WDR17: variants seen among roughly 807,000 people sequenced by gnomAD.
The protein encoded by WDR17 is WD repeat-containing protein 17.
A neutral mutation model predicts 161.7 loss-of-function variants in WDR17; 143 were observed. That is an observed-to-expected ratio of 0.88 (90% CI 0.77 to 1.02). WDR17 has a LOEUF of 1.02. Ranked by LOEUF, WDR17 falls within the 50% of genes least tolerant of loss-of-function variation. WDR17 has a pLI of 0.00. For synonymous variants in WDR17, 517 were observed against 515.6 expected, an observed-to-expected ratio of 1.00 and a Z score of -0.04; for missense variants, 1,469 against 1,520.9, an observed-to-expected ratio of 0.97 and a Z score of 0.57.
At chr4:176,175,374 C>T (rs1751283688) in intron 26 of WDR17, among the ~76,000 whole-genome samples, 1 of 152,198 alleles carries the variant, frequency 6.6e-6, no homozygotes, top group Non-Finnish European at 1.5e-5. Flanking sequence ...CATTTTATAA[C>T]AACTTGTTTA....
chr4:176,156,212 AT>A, intron 18 of WDR17, 69 bp downstream of exon 18: 1 of 1,434,576 alleles, frequency 7.0e-7, no homozygotes, highest in South Asian at 1.3e-5. Context: ...CAGTATATAA[AT>A]ATGGCAGTAG....
chr4:176,162,000 C>T (rs1315282090), intron 20 of WDR17, 75 bp from the exon 21 acceptor site: 7 of 1,254,630 alleles, frequency 5.6e-6, no homozygotes, highest in East Asian at 2.5e-5. Context: ...TTTATCATAC[C>T]TTTTAAAAAG....
At chr4:176,159,324 GAGAGAGAGAGAA>G (rs1312023348) in intron 18 of WDR17, among the ~76,000 whole-genome samples, 1 of 150,916 alleles carries the variant, frequency 6.6e-6, no homozygotes, top group African/African-American at 2.4e-5. Context: ...GAGAGAGAGA[GAGAGAGAGAGAA>G]AGGGAGAGAG....
chr4:176,111,803 A>G (rs1022535649), intron 2 of WDR17, 100 bp downstream of exon 2: 7 of 1,076,232 alleles, frequency 6.5e-6, no homozygotes, highest in Middle Eastern at 3.4e-4. Flanking sequence ...ACATAATGCT[A>G]TAATTCCATT....
At chr4:176,166,775 A>G (rs953038530) in intron 22 of WDR17, among the ~76,000 whole-genome samples, 1 of 152,188 alleles carries the variant, frequency 6.6e-6, no homozygotes, top group African/African-American at 2.4e-5. Context: ...CATGCATTTT[A>G]GCATGAACAG....
chr4:176,141,797 T>C (rs919897481), intron 10 of WDR17, among the ~76,000 whole-genome samples, 186 bp from the exon 11 acceptor site: 1 of 152,244 alleles, frequency 6.6e-6, no homozygotes, highest in Non-Finnish European at 1.5e-5. Flanking sequence ...ATAATTAATA[T>C]TAAGAGTTGC....
intron 8 of WDR17, 110 bp downstream of exon 8, chr4:176,135,386 T>C: frequency 8.1e-7 from 1 of 1,233,824 alleles, no homozygotes; most frequent in Non-Finnish European, 1.2e-6. Flanking sequence ...TAAATGAATG[T>C]AGAGCAAATT....
rs552913936 is a variant in WDR17, at chr4:176,115,453, T to A, written c.124-343T>A. ...ATAAGTGAAAAATTGCAGAAAAAAA[T>A]ATTCCAAAACCAAGGGTTTTTTCTT... On this transcript the variant is annotated intron_variant, in intron 2 of 28. Coordinates refer to ENST00000508596, the MANE Select transcript of WDR17 (RefSeq NM_181265.4). Among the ~76,000 whole-genome samples, 590 of 152,050 alleles carry A rather than the reference T, an allele frequency of 3.9e-3. 5 individuals are homozygous for A. The highest frequency in any genetic ancestry group is 0.013 in the African/African-American group (540 of 41,518).
Position 176,172,392 on chromosome 4 carries a change from G to A in WDR17, c.3120G>A (p.Val1040=). 2 of 1,607,916 alleles carry A rather than the reference G, an allele frequency of 1.2e-6. No individual in the cohort carries two copies. The highest frequency in any genetic ancestry group is 1.7e-6 in the Non-Finnish European group (2 of 1,178,584). The part of the protein sequence containing the change: ...DLHDKCKLPT[V]EECMQLAETA... ...TTTTCTAGTGTAAGCTACCCACAGT[G>A]GAAGAATGTATGCAGTTAGCTGAGA... The change falls in exon 24 of 29, where the codon GTG becomes GTA. Residue 1040 remains valine (V), a synonymous_variant. Transcript: ENST00000508596.
chr4:176,099,648 T>C (rs560805978), intron 1 of WDR17, among the ~76,000 whole-genome samples: 1 of 152,276 alleles, frequency 6.6e-6, no homozygotes, highest in African/African-American at 2.4e-5. Flanking sequence ...CATGCATAGA[T>C]TGCACAGTGA....
chr4:176,083,828 C>T (rs775936807), intron 1 of WDR17, among the ~76,000 whole-genome samples: 1 of 152,074 alleles, frequency 6.6e-6, no homozygotes, highest in Non-Finnish European at 1.5e-5. Flanking sequence ...TCTGCACTGT[C>T]GCCAATCTGT....
At chr4:176,076,478 T>G (rs1451913571) in intron 1 of WDR17, among the ~76,000 whole-genome samples, 1 of 149,360 alleles carries the variant, frequency 6.7e-6, no homozygotes, top group Non-Finnish European at 1.5e-5. Flanking sequence ...GTGCTTTAGC[T>G]TTTTCTAAAA....
chr4:176,115,998 T>C lies in WDR17; in HGVS notation c.307+19T>C, dbSNP rs1298221294. 1 of 1,577,282 alleles carries C rather than the reference T, an allele frequency of 6.3e-7. No homozygotes were observed. The highest frequency in any genetic ancestry group is 1.9e-5 in the Admixed American group (1 of 52,844). On this transcript the variant is annotated intron_variant, in intron 3 of 28. Transcript: ENST00000508596. ...ACAAAAGGTATAATTACAACTGGGA[T>C]TTATTTTATGGAATAAAATATTTTT...
chr4:176,089,057 T>G (rs1735775879), intron 1 of WDR17, among the ~76,000 whole-genome samples: 1 of 152,174 alleles, frequency 6.6e-6, no homozygotes, highest in Non-Finnish European at 1.5e-5. Flanking sequence ...ACATGTTAAT[T>G]TCTGCATTTT....
intron 17 of WDR17, among the ~76,000 whole-genome samples, chr4:176,154,441 A>G (rs1469338143): frequency 1.3e-5 from 2 of 152,120 alleles, no homozygotes; most frequent in Non-Finnish European, 2.9e-5. Flanking sequence ...AGATCATACC[A>G]TTGCACTCCA....
Position 176,120,017 on chromosome 4 carries a change from G to T in WDR17, c.458G>T (p.Cys153Phe). ...GCTCATAGCTTCTTGTCTGATATCT[G>T]TATGTTCAGATGGCATACACACCAA... is the stretch of plus-strand genomic sequence containing the variant. ...KDAHSFLSDICMFRWHTHQKG... is the reference protein window; with the variant it reads ...KDAHSFLSDIFMFRWHTHQKG... The change falls in exon 4 of 29, where the codon TGT becomes TTT. Residue 153 changes from cysteine (C) to phenylalanine (F), a missense_variant. Cys to Phe is a radical substitution (Grantham distance 205). Transcript: ENST00000508596. The T allele has an allele frequency of 6.2e-7, 1 of 1,613,980 alleles. No homozygotes were observed.
rs1745349360 is a variant in WDR17 at position 176,141,993 on chromosome 4, A to G, written c.1453A>G (p.Thr485Ala). ...TATAATTAATTCTAGTATTATTCGA[A>G]CAATTGATGGTAAAGTGCTACACAA... ...CSSDGFCIIR[T>A]IDGKVLHKYK... The change falls in exon 11 of 29, where the codon ACA becomes GCA. Residue 485 changes from threonine to alanine, a missense_variant. Coordinates refer to ENST00000508596, the MANE Select transcript of WDR17 (RefSeq NM_181265.4). 3 of 1,598,866 alleles carry G rather than the reference A, an allele frequency of 1.9e-6. No homozygotes were observed. In the East Asian group the frequency reaches 6.7e-5, roughly 36 times the overall value.
intron 26 of WDR17, among the ~76,000 whole-genome samples, chr4:176,175,538 ATTTGTTTGTTTGTTTG>A (rs146325115): frequency 2.0e-4 from 30 of 150,158 alleles, no homozygotes; most frequent in African/African-American, 6.9e-4. Context: ...GCAGTCTTTT[ATTTGTTTGTTTGTTTG>A]TTTGTTTGTT....
At chr4:176,141,906 T>C (rs1370164326) in intron 10 of WDR17, 77 bp from the exon 11 acceptor site, 5 of 1,174,860 alleles carry the variant, frequency 4.3e-6, no homozygotes, top group Admixed American at 4.5e-5. Context: ...ATTTGAAATT[T>C]ACAATTCTGA....
Sources: gnomAD v4.1 joint callset for allele counts (sites outside exome capture counted in the v4.1 genomes callset) on GRCh38, gnomAD v4.1.1 for gene constraint, MANE v1.5 for transcripts, NCBI Gene and HGNC (gene_info 2026-07-23, HGNC 2026-07-21) for gene names.